Variants in LRIG1 observed in about 807,000 individuals in gnomAD.
The protein encoded by LRIG1 is leucine rich repeats and immunoglobulin like domains 1.
In LRIG1, 48 loss-of-function variants were observed where a neutral mutation model predicts 99.2. The observed-to-expected ratio is 0.48, with a 90% confidence interval of 0.38 to 0.62. The LOEUF (loss-of-function observed/expected upper bound fraction) is 0.62. LRIG1 is among the 20% of genes least tolerant of loss of function. The pLI is 0.00. For missense variants in LRIG1, 1,646 were observed against 1,434.4 expected (o/e 1.15, Z -2.38); for synonymous variants, 772 against 596.1 (o/e 1.29, Z -4.30).
In LRIG1 at chr3:66,380,846, A is replaced by G. The variant is rs766182490; in HGVS notation, c.2786T>C (p.Val929Ala). 52 of 1,613,748 alleles carry G rather than the reference A, an allele frequency of 3.2e-5. No homozygotes were observed. The highest frequency in any genetic ancestry group is 4.2e-5 in the Non-Finnish European group (50 of 1,179,848). The part of the protein sequence containing the change: ...GPHKMEHGGR[V>A]VCSDCNTEVD... ...TTCGGTGTTGCAGTCACTGCATACG[A>G]CCCGGCCACCGTGTTCTGAAGGACA... is the stretch of plus-strand genomic sequence containing the variant. The change falls in exon 18 of 19, where the codon GTC (valine) becomes GCC (alanine). Residue 929 changes from valine to alanine, a missense_variant. Physicochemically the swap from Val to Ala is moderately conservative, Grantham distance 64. Transcript: ENST00000273261.
intron 3 of LRIG1, among the ~76,000 whole-genome samples, chr3:66,444,876 T>C (rs1183354017): frequency 2.6e-5 from 4 of 151,804 alleles, no homozygotes; most frequent in Non-Finnish European, 4.4e-5. Context: ...TAATTATATA[T>C]ATATATATAT....
chr3:66,436,040 A>G (rs1310334843), intron 3 of LRIG1, among the ~76,000 whole-genome samples: 1 of 152,208 alleles, frequency 6.6e-6, no homozygotes, highest in African/African-American at 2.4e-5. Flanking sequence ...ATGTAGGGAT[A>G]TGCATGAACT....
intron 8 of LRIG1, chr3:66,406,560 G>A (rs1242075282): frequency 1.9e-5 from 6 of 323,436 alleles, no homozygotes; most frequent in Non-Finnish European, 2.7e-5. Flanking sequence ...ATCCCTCTCT[G>A]TGCAGTGGAT....
intron 2 of LRIG1, among the ~76,000 whole-genome samples, chr3:66,452,553 T>A: frequency 6.6e-6 from 1 of 152,206 alleles, no homozygotes; most frequent in East Asian, 1.9e-4. Flanking sequence ...GTACTTGCGA[T>A]GCAAAGTCAA....
chr3:66,392,235 GAAT>G (rs1389909843), intron 12 of LRIG1, among the ~76,000 whole-genome samples: 2 of 152,278 alleles, frequency 1.3e-5, no homozygotes, highest in Non-Finnish European at 2.9e-5. Flanking sequence ...TGGCCATTAT[GAAT>G]AATGCTGCTA....
At chr3:66,423,526 A>T (rs971331919) in intron 3 of LRIG1, among the ~76,000 whole-genome samples, 1 of 152,162 alleles carries the variant, frequency 6.6e-6, no homozygotes, top group African/African-American at 2.4e-5. Context: ...AGCCAAGATC[A>T]CGCCACCGCA....
chr3:66,489,796 G>T (rs530538463), intron 1 of LRIG1, among the ~76,000 whole-genome samples: 1 of 152,232 alleles, frequency 6.6e-6, no homozygotes, highest in Non-Finnish European at 1.5e-5. Context: ...CGTCTCCTGA[G>T]GCCCAGCCAT....
In LRIG1 at chr3:66,383,320, C is replaced by G. The variant is rs1288982710; in HGVS notation, c.2153G>C (p.Gly718Ala). 6.2e-7 allele frequency: 1 copy of G among 1,603,222 alleles called. No individual in the cohort carries two copies. Among genetic ancestry groups the G allele is most frequent in the Non-Finnish European group, 8.5e-7 (1 of 1,171,298 alleles). The stretch of plus-strand genomic sequence containing the variant: ...CCAGGTGATGCGGGGCGGAGGGTTC[C>G]CCGTGGCTTTGCATTGGAGGGCCAC... ...ETVALQCKATGNPPPRITWFK... is the reference protein window; with the variant it reads ...ETVALQCKATANPPPRITWFK... The change falls in exon 15 of 19, where the codon GGG (glycine) becomes GCG (alanine). Residue 718 changes from glycine (G) to alanine (A), a missense_variant. Transcript: ENST00000273261.
chr3:66,439,802 A>G (rs1703482840), intron 3 of LRIG1, among the ~76,000 whole-genome samples: 1 of 152,192 alleles, frequency 6.6e-6, no homozygotes, highest in African/African-American at 2.4e-5. Context: ...TGATCTCCAA[A>G]TAAGGTGGGC....
intron 1 of LRIG1, among the ~76,000 whole-genome samples, chr3:66,470,395 T>G (rs1033928660): frequency 6.6e-6 from 1 of 152,170 alleles, no homozygotes; most frequent in African/African-American, 2.4e-5. Flanking sequence ...AGAGCATGTT[T>G]TTTTGAAGAG....
At chr3:66,437,369 A>C (rs1247296885) in intron 3 of LRIG1, among the ~76,000 whole-genome samples, 1 of 152,224 alleles carries the variant, frequency 6.6e-6, no homozygotes, top group African/African-American at 2.4e-5. Context: ...CCCAATAATG[A>C]GCCCTGGGGG....
chr3:66,383,543 GACC>G, intron 14 of LRIG1, 142 bp from the exon 15 acceptor site: 1 of 774,704 alleles, frequency 1.3e-6, no homozygotes, highest in Non-Finnish European at 2.0e-6. Context: ...CTTTGGAGAA[GACC>G]CTTCAACTCA....
chr3:66,446,090 T>C (rs1703708896), intron 3 of LRIG1, among the ~76,000 whole-genome samples: 1 of 152,214 alleles, frequency 6.6e-6, no homozygotes, highest in Non-Finnish European at 1.5e-5. Context: ...TTAACGAGCC[T>C]GTAAAGAAGA....
At chr3:66,462,376 A>T (rs994388614) in intron 2 of LRIG1, 62 bp downstream of exon 2, 1 of 1,245,258 alleles carries the variant, frequency 8.0e-7, no homozygotes, top group African/African-American at 1.5e-5. Context: ...CTGCAATACA[A>T]GAGGATTTTC....
chr3:66,384,598 T>A (rs1007788182), intron 13 of LRIG1, among the ~76,000 whole-genome samples: 2 of 152,090 alleles, frequency 1.3e-5, no homozygotes, highest in Admixed American at 1.3e-4. Context: ...GCCTGATGCT[T>A]GCCTGCTTTA....
chr3:66,431,433 C>T (rs1383279139), intron 3 of LRIG1, among the ~76,000 whole-genome samples: 1 of 152,166 alleles, frequency 6.6e-6, no homozygotes, highest in Non-Finnish European at 1.5e-5. Flanking sequence ...TCCGCACTAC[C>T]CACGTTGGAG....
chr3:66,385,704 C>T (rs966279940), intron 13 of LRIG1, among the ~76,000 whole-genome samples: 1 of 152,212 alleles, frequency 6.6e-6, no homozygotes, highest in African/African-American at 2.4e-5. Flanking sequence ...CTGCCCACCT[C>T]AGTCTCCCAA....
At chr3:66,420,520 A>G (rs1023470163) in intron 3 of LRIG1, among the ~76,000 whole-genome samples, 1 of 152,248 alleles carries the variant, frequency 6.6e-6, no homozygotes, top group African/African-American at 2.4e-5. Flanking sequence ...TCACATTCAT[A>G]GAAGCATCAC....
chr3:66,382,938 C>T (rs941955116), intron 15 of LRIG1, 44 bp downstream of exon 15: 17 of 1,547,300 alleles, frequency 1.1e-5, no homozygotes, highest in South Asian at 2.5e-5. Flanking sequence ...GCATCACTGC[C>T]ATTCCTCCCT....
Sources: gnomAD v4.1 joint callset for allele counts (sites outside exome capture counted in the v4.1 genomes callset) on GRCh38, gnomAD v4.1.1 for gene constraint, MANE v1.5 for transcripts, NCBI Gene and HGNC (gene_info 2026-07-23, HGNC 2026-07-21) for gene names.